KCNH8: variants seen among roughly 807,000 people sequenced by gnomAD.
KCNH8 encodes the protein voltage-gated delayed rectifier potassium channel KCNH8.
In KCNH8, 70 loss-of-function variants were observed where a neutral mutation model predicts 103.6. That is an observed-to-expected ratio of 0.68 (90% CI 0.56 to 0.82). The LOEUF is 0.82. KCNH8 is among the 40% of genes least tolerant of loss of function. The probability of loss-of-function intolerance (pLI) is 0.00; values close to 1 mark genes in which losing one functional copy is unlikely to be tolerated. For missense variants in KCNH8, 1,217 were observed against 1,329.9 expected, an observed-to-expected ratio of 0.92 and a Z score of 1.32; for synonymous variants, 498 against 489.4, an observed-to-expected ratio of 1.02 and a Z score of -0.23.
At position 19,319,747 on chromosome 3, in the gene KCNH8, T is replaced by G. The variant is rs181882975; in HGVS notation, c.443-22840T>G. On this transcript the variant is annotated intron_variant, in intron 3 of 15. Transcript: ENST00000328405. ...TGGAAATTGCATTGAATTTGCAGATTGCTTTTGACAGTATGGTCATTTTCA... is the reference window on the plus strand; with the variant it reads ...TGGAAATTGCATTGAATTTGCAGATGGCTTTTGACAGTATGGTCATTTTCA... 7.2e-5 allele frequency among the ~76,000 whole-genome samples: 11 copies of G among 152,230 alleles called. No individual in the cohort carries two copies. The East Asian group carries it at 1.4e-3, about 19-fold the overall frequency.
At chr3:19,246,638 A>G (rs1459352044) in intron 1 of KCNH8, among the ~76,000 whole-genome samples, 1 of 152,216 alleles carries the variant, frequency 6.6e-6, no homozygotes, top group Non-Finnish European at 1.5e-5. Context: ...TAAAATGGGT[A>G]TACAATGAAA....
intron 11 of KCNH8, among the ~76,000 whole-genome samples, chr3:19,489,786 C>G (rs942472794): frequency 1.3e-5 from 2 of 152,234 alleles, no homozygotes; most frequent in South Asian, 4.1e-4. Context: ...TTACACCAAA[C>G]CAGAAACAAC....
At chr3:19,506,421 T>C (rs1442404115) in intron 11 of KCNH8, among the ~76,000 whole-genome samples, 1 of 152,212 alleles carries the variant, frequency 6.6e-6, no homozygotes, top group Non-Finnish European at 1.5e-5. Context: ...GAGGAGTATA[T>C]TACCAAAAGT....
intron 5 of KCNH8, among the ~76,000 whole-genome samples, chr3:19,374,090 T>C (rs2066150743): frequency 6.6e-6 from 1 of 151,872 alleles, no homozygotes; most frequent in Admixed American, 6.6e-5. Flanking sequence ...ATTCTGTTGA[T>C]TTGGGGTGGA....
At chr3:19,264,746 A>G (rs1399031221) in intron 2 of KCNH8, among the ~76,000 whole-genome samples, 1 of 152,136 alleles carries the variant, frequency 6.6e-6, no homozygotes. Flanking sequence ...CTGTGGGCCA[A>G]GCTCTGTGCT....
At chr3:19,518,165 A>T in intron 15 of KCNH8, 91 bp downstream of exon 15, 1 of 966,714 alleles carries the variant, frequency 1.0e-6, no homozygotes, top group Non-Finnish European at 1.6e-6. Flanking sequence ...AGTAGTTACA[A>T]GCATGCATTC....
chr3:19,444,126 G>T (rs931171309), intron 8 of KCNH8, among the ~76,000 whole-genome samples: 7 of 152,058 alleles, frequency 4.6e-5, no homozygotes, highest in Admixed American at 2.0e-4. Context: ...TTGTGCTACA[G>T]ATATCAAAAT....
At chr3:19,228,552 T>C (rs572275746) in intron 1 of KCNH8, among the ~76,000 whole-genome samples, 72 of 152,198 alleles carry the variant, frequency 4.7e-4, no homozygotes, top group Admixed American at 1.1e-3. Flanking sequence ...AGTAAAACCA[T>C]AAAATAGATT....
intron 11 of KCNH8, among the ~76,000 whole-genome samples, chr3:19,499,850 G>C (rs1051420927): frequency 3.7e-4 from 57 of 152,082 alleles, no homozygotes; most frequent in Non-Finnish European, 2.5e-4. Flanking sequence ...AAAAAGTAAA[G>C]ACCATCAAGA....
chr3:19,383,292 C>T (rs2066311705), intron 5 of KCNH8, among the ~76,000 whole-genome samples: 1 of 152,056 alleles, frequency 6.6e-6, no homozygotes, highest in Non-Finnish European at 1.5e-5. Context: ...TTATTTTTGT[C>T]TCTATTGAGC....
At chr3:19,279,515 A>G (rs954789610) in intron 2 of KCNH8, among the ~76,000 whole-genome samples, 3 of 151,722 alleles carry the variant, frequency 2.0e-5, no homozygotes, top group African/African-American at 7.3e-5. Flanking sequence ...TTGAAATGAG[A>G]TTGCCATGGC....
rs1280200714 is a variant in KCNH8, at chr3:19,438,288, C to T, written c.1302C>T (p.Ser434=). 9 of 1,614,052 alleles carry T rather than the reference C, an allele frequency of 5.6e-6. No individual in the cohort carries two copies. Among genetic ancestry groups the T allele is most frequent in the East Asian group, 2.2e-5 (1 of 44,874 alleles). ...ALYFTLSSLT[S]VGFGNVSANT... is the part of the protein sequence containing the mutation. ...ACTTCACGCTGAGCAGCCTCACCAG[C>T]GTGGGTTTTGGGAACGTCTCTGCTA... The change falls in exon 8 of 16, where the codon AGC becomes AGT. Residue 434 remains serine (S), a synonymous_variant. Coordinates refer to ENST00000328405, the MANE Select transcript of KCNH8 (RefSeq NM_144633.3).
chr3:19,267,321 G>C (rs989628823), intron 2 of KCNH8, among the ~76,000 whole-genome samples: 4 of 152,058 alleles, frequency 2.6e-5, no homozygotes, highest in African/African-American at 9.7e-5. Flanking sequence ...GGACCACTCT[G>C]AATGTGAAAA....
intron 8 of KCNH8, chr3:19,448,990 G>T (rs947122565): frequency 7.8e-7 from 1 of 1,283,654 alleles, no homozygotes. Context: ...AAACCATTTC[G>T]GTTTCATTCT....
chr3:19,293,657 C>G (rs1250976703), intron 3 of KCNH8, among the ~76,000 whole-genome samples: 6 of 152,168 alleles, frequency 3.9e-5, no homozygotes, highest in Non-Finnish European at 8.8e-5. Context: ...GTTACATCAC[C>G]CTGTTCATTG....
At chr3:19,444,641 C>T (rs2067335659) in intron 8 of KCNH8, among the ~76,000 whole-genome samples, 1 of 151,214 alleles carries the variant, frequency 6.6e-6, no homozygotes, top group Non-Finnish European at 1.5e-5. Context: ...ACTGTTAAAT[C>T]AATAAGAAAA....
At chr3:19,464,464 T>C (rs918944755) in intron 11 of KCNH8, among the ~76,000 whole-genome samples, 6 of 152,110 alleles carry the variant, frequency 3.9e-5, no homozygotes, top group African/African-American at 1.4e-4. Context: ...AATATCATTA[T>C]GACCTTGGAA....
intron 11 of KCNH8, among the ~76,000 whole-genome samples, chr3:19,477,586 C>T (rs2068003771): frequency 1.3e-5 from 2 of 151,996 alleles, no homozygotes; most frequent in Non-Finnish European, 2.9e-5. Context: ...TCTAGCATGA[C>T]ACTAAGACCT....
chr3:19,425,005 G>C (rs984956730), intron 7 of KCNH8, among the ~76,000 whole-genome samples: 2 of 152,048 alleles, frequency 1.3e-5, no homozygotes, highest in African/African-American at 2.4e-5. Flanking sequence ...CACAGAGGAA[G>C]AGAATGAGTT....
Sources: allele counts gnomAD v4.1 joint callset (sites outside exome capture counted in the v4.1 genomes callset), GRCh38; gene constraint gnomAD v4.1.1; transcripts MANE v1.5; gene names NCBI Gene and HGNC (gene_info 2026-07-23, HGNC 2026-07-21).